The following CPAP variants were observed in gnomAD, a reference collection of about 807,000 sequenced individuals.
The protein encoded by CPAP is centrosomal P4.1-associated protein.
chr13:24,893,710 A>C, the CPAP span, among the ~76,000 whole-genome samples: 1 of 152,270 alleles, frequency 6.6e-6, no homozygotes, highest in African/African-American at 2.4e-5. Context: ...TATGACCAAT[A>C]AAAGAAAAAT....
At chr13:24,901,602 A>G in the CPAP span, among the ~76,000 whole-genome samples, 2 of 152,248 alleles carry the variant, frequency 1.3e-5, no homozygotes, top group African/African-American at 4.8e-5. Context: ...ATTTCCATTA[A>G]CTGATTAGTC....
chr13:24,928,840 C>T, the CPAP span, among the ~76,000 whole-genome samples: 83 of 152,210 alleles, frequency 5.5e-4, no homozygotes, highest in South Asian at 2.5e-3. Flanking sequence ...ACAAAAGATC[C>T]TGGAAACCTA....
the CPAP span, among the ~76,000 whole-genome samples, chr13:24,909,453 G>C: frequency 2.6e-5 from 4 of 151,810 alleles, no homozygotes; most frequent in Non-Finnish European, 5.9e-5. Context: ...ACTTGAACCC[G>C]AGAGGCAGAG....
At chr13:24,892,927 TAGA>T in the CPAP span, 2 of 1,168,366 alleles carry the variant, frequency 1.7e-6, no homozygotes, top group African/African-American at 1.6e-5. Flanking sequence ...ATTAAAACAA[TAGA>T]AGAATAGAGA....
At chr13:24,889,420 T>G in the CPAP span, 1 of 1,516,216 alleles carries the variant, frequency 6.6e-7, no homozygotes. Context: ...AAGAGATAAT[T>G]TTTTATTTAA....
At chr13:24,914,653 A>G in the CPAP span, among the ~76,000 whole-genome samples, 2 of 152,116 alleles carry the variant, frequency 1.3e-5, no homozygotes, top group African/African-American at 4.8e-5. Flanking sequence ...TAGACCATAA[A>G]AAGCAATTTT....
At chr13:24,894,810 G>A in the CPAP span, among the ~76,000 whole-genome samples, 10 of 152,112 alleles carry the variant, frequency 6.6e-5, no homozygotes, top group African/African-American at 2.2e-4. Flanking sequence ...GGGAGAGGCC[G>A]CAGCCAGCCA....
chr13:24,932,961 A>C, the CPAP span: 5 of 1,359,264 alleles, frequency 3.7e-6, no homozygotes, highest in Admixed American at 8.6e-5. Flanking sequence ...TCACTGTCAT[A>C]TTGACTTAAG....
the CPAP span, among the ~76,000 whole-genome samples, chr13:24,892,093 T>A: frequency 3.3e-5 from 5 of 152,202 alleles, no homozygotes; most frequent in African/African-American, 1.2e-4. Flanking sequence ...GAATGTAAGC[T>A]TCATAAGGGC....
chr13:24,931,306 C>CTTTTCTT, the CPAP span, among the ~76,000 whole-genome samples: 2 of 72,646 alleles, frequency 2.8e-5, no homozygotes, highest in Admixed American at 3.4e-4. Flanking sequence ...TTTCATGTTT[C>CTTTTCTT]TTTTTTTTTT....
chr13:24,906,519 G>C, the CPAP span: 5 of 1,614,182 alleles, frequency 3.1e-6, no homozygotes, highest in Non-Finnish European at 4.2e-6. Flanking sequence ...CAAGGTTTTG[G>C]ACACTCAGTT....
the CPAP span, among the ~76,000 whole-genome samples, chr13:24,914,456 C>T: frequency 2.0e-5 from 3 of 152,166 alleles, no homozygotes; most frequent in Admixed American, 6.5e-5. Flanking sequence ...CCCAAACATC[C>T]GAGCCCCAAA....
At chr13:24,924,422 T>C in the CPAP span, among the ~76,000 whole-genome samples, 17 of 152,202 alleles carry the variant, frequency 1.1e-4, no homozygotes, top group Non-Finnish European at 2.1e-4. Flanking sequence ...AATAAATGAA[T>C]CTTTTACCAC....
At chr13:24,885,823 T>A in the CPAP span, 6 of 651,770 alleles carry the variant, frequency 9.2e-6, no homozygotes, top group Non-Finnish European at 1.4e-5. Flanking sequence ...TAATTTGTAG[T>A]TCTCCGACAC....
the CPAP span, among the ~76,000 whole-genome samples, chr13:24,889,770 A>G: frequency 1.1e-4 from 17 of 152,012 alleles, no homozygotes; most frequent in African/African-American, 4.1e-4. Flanking sequence ...GGGACAGTCC[A>G]GCTGAGCCCA....
At chr13:24,893,540 T>G in the CPAP span, among the ~76,000 whole-genome samples, 1 of 152,232 alleles carries the variant, frequency 6.6e-6, no homozygotes, top group Non-Finnish European at 1.5e-5. Context: ...CACGGCAGCC[T>G]GGTGAGGATG....
chr13:24,904,730 A>G, the CPAP span, among the ~76,000 whole-genome samples: 3,696 of 152,322 alleles, frequency 0.024, 135 homozygotes, highest in African/African-American at 0.084. Flanking sequence ...CAAAAAAATT[A>G]CTTTTAAAAT....
the CPAP span, chr13:24,883,392 G>T: frequency 4.6e-6 from 7 of 1,527,846 alleles, no homozygotes; most frequent in Admixed American, 1.9e-5. Context: ...AAAAAAATAT[G>T]ATTTCTTAAA....
At chr13:24,910,190 C>G in the CPAP span, 2 of 1,037,132 alleles carry the variant, frequency 1.9e-6, no homozygotes, top group South Asian at 2.6e-5. Flanking sequence ...ACAGTGACAA[C>G]AGTATTTTTT....
Sources: gnomAD v4.1 joint callset for allele counts (sites outside exome capture counted in the v4.1 genomes callset) on GRCh38, gnomAD v4.1.1 for gene constraint, MANE v1.5 for transcripts, NCBI Gene and HGNC (gene_info 2026-07-23, HGNC 2026-07-21) for gene names.